Variants in SGPP2 observed in about 807,000 individuals in gnomAD.
SGPP2 encodes the protein sphingosine 1-phosphate phosphohydrolase 2.
Under a neutral mutation model 33.9 loss-of-function variants are expected in SGPP2, and 30 were observed. That is an observed-to-expected ratio of 0.89 (90% CI 0.66 to 1.20). The LOEUF (loss-of-function observed/expected upper bound fraction) is 1.20, where lower values mean the gene tolerates loss of function less well. Among genes scored for constraint, SGPP2 ranks in the 50% most tolerant of loss-of-function variants. The pLI is 0.00. For missense variants in SGPP2, 458 were observed against 532.1 expected, an observed-to-expected ratio of 0.86 and a Z score of 1.37; for synonymous variants, 233 against 225.0, an observed-to-expected ratio of 1.04 and a Z score of -0.32.
At chr2:222,547,552 G>T (rs1574890546) in intron 4 of SGPP2, among the ~76,000 whole-genome samples, 1 of 151,934 alleles carries the variant, frequency 6.6e-6, no homozygotes, top group East Asian at 1.9e-4. Context: ...GAAATATATG[G>T]TATACTCAAA....
At chr2:222,517,637 A>G (rs1574873156) in intron 2 of SGPP2, among the ~76,000 whole-genome samples, 1 of 152,358 alleles carries the variant, frequency 6.6e-6, no homozygotes, top group Non-Finnish European at 1.5e-5. Context: ...GTGATGGCAG[A>G]GCTAAAAGAG....
chr2:222,474,351 G>C (rs990324113), intron 1 of SGPP2, among the ~76,000 whole-genome samples: 1 of 152,096 alleles, frequency 6.6e-6, no homozygotes, highest in Non-Finnish European at 1.5e-5. Flanking sequence ...TTCTGTCTTG[G>C]ATATTGCTTA....
chr2:222,502,041 A>G (rs2106118662), intron 2 of SGPP2, among the ~76,000 whole-genome samples: 1 of 152,292 alleles, frequency 6.6e-6, no homozygotes, highest in Non-Finnish European at 1.5e-5. Context: ...TCCTTATGCC[A>G]CCCTCACAAA....
At chr2:222,427,613 G>C (rs893255591) in intron 1 of SGPP2, among the ~76,000 whole-genome samples, 1 of 152,108 alleles carries the variant, frequency 6.6e-6, no homozygotes, top group Non-Finnish European at 1.5e-5. Flanking sequence ...ATGAGTGAAT[G>C]TTGAAAATCA....
At chr2:222,508,029 T>G (rs982191408) in intron 2 of SGPP2, among the ~76,000 whole-genome samples, 31 of 152,172 alleles carry the variant, frequency 2.0e-4, no homozygotes, top group Non-Finnish European at 4.0e-4. Context: ...GTTCCCTCAG[T>G]GGGAGTCATT....
At chr2:222,427,830 A>G (rs566291477) in intron 1 of SGPP2, among the ~76,000 whole-genome samples, 7 of 152,266 alleles carry the variant, frequency 4.6e-5, no homozygotes, top group Admixed American at 2.0e-4. Context: ...AGTTTCCTCT[A>G]CAAGTTCTCA....
intron 1 of SGPP2, among the ~76,000 whole-genome samples, chr2:222,426,907 G>A (rs1387143357): frequency 1.3e-5 from 2 of 152,194 alleles, no homozygotes. Context: ...CCTTTGTACA[G>A]GCGTTGGCCT....
In SGPP2 at chr2:222,444,221, G is replaced by A. The variant is rs535284703; in HGVS notation, c.219+19400G>A. ...TACTTTCTTATGCCACTTCATAAGG[G>A]TAGACTCTAGTTTGAGCTAATCATG... On this transcript the variant is annotated intron_variant, in intron 1 of 4. Coordinates refer to ENST00000321276, the MANE Select transcript of SGPP2 (RefSeq NM_152386.4). 2.6e-5 allele frequency among the ~76,000 whole-genome samples: 4 copies of A among 152,300 alleles called. No homozygotes were observed. In the East Asian group the frequency reaches 7.7e-4, roughly 29 times the overall value.
chr2:222,538,652 A>C (rs753711317), intron 4 of SGPP2, among the ~76,000 whole-genome samples: 1 of 152,208 alleles, frequency 6.6e-6, no homozygotes, highest in Non-Finnish European at 1.5e-5. Context: ...ACAGTTCTGC[A>C]GGAAGCATAG....
At chr2:222,433,691 A>AT (rs11413888) in intron 1 of SGPP2, among the ~76,000 whole-genome samples, 116,470 of 151,922 alleles carry the variant, frequency 0.77, 44,796 homozygotes, top group Middle Eastern at 0.89. Context: ...TAGCTTGATG[A>AT]TTTTTTTCCC....
At chr2:222,471,323 C>T (rs969635966) in intron 1 of SGPP2, among the ~76,000 whole-genome samples, 1 of 152,024 alleles carries the variant, frequency 6.6e-6, no homozygotes, top group African/African-American at 2.4e-5. Context: ...GCTGCTGGAA[C>T]AAAACTGGGA....
intron 3 of SGPP2, 115 bp downstream of exon 3, chr2:222,522,061 A>C: frequency 1.1e-6 from 1 of 946,102 alleles, no homozygotes; most frequent in Non-Finnish European, 1.5e-6. Flanking sequence ...TGAAATAAAG[A>C]TTAAGAGAAA....
At chr2:222,470,683 C>T (rs1030963181) in intron 1 of SGPP2, among the ~76,000 whole-genome samples, 2 of 152,160 alleles carry the variant, frequency 1.3e-5, no homozygotes, top group African/African-American at 2.4e-5. Context: ...TGTCATATAA[C>T]ACTTGGGTAT....
chr2:222,425,600 C>G (rs1697055178), intron 1 of SGPP2, among the ~76,000 whole-genome samples: 2 of 152,216 alleles, frequency 1.3e-5, no homozygotes, highest in Non-Finnish European at 2.9e-5. Flanking sequence ...GCAGCAGGGA[C>G]CAGACGGGCT....
rs1689272328 is a variant in SGPP2, at chr2:222,550,345, TC to T, written c.649-8000del. On this transcript the variant is annotated intron_variant, in intron 4 of 4. Transcript: ENST00000321276. This position sits in a 1 kb window ranked among gnomAD's most constrained non-coding sequence, Gnocchi z 4.5. ...TTTGATTTTCACATTCTGATTTTTT[TC>T]CTCCTTGATTTCATTTTATTATAAT... Among the ~76,000 whole-genome samples, 1 of 152,230 alleles carries T rather than the reference TC, an allele frequency of 6.6e-6. No homozygotes were observed. Among genetic ancestry groups the T allele is most frequent in the African/African-American group, 2.4e-5 (1 of 41,454 alleles).
chr2:222,478,673 C>T (rs911719445), intron 2 of SGPP2, among the ~76,000 whole-genome samples: 23 of 152,146 alleles, frequency 1.5e-4, no homozygotes, highest in African/African-American at 5.3e-4. Context: ...AAGCTTGGCA[C>T]ATTTTATATT....
At chr2:222,520,525 G>C (rs1172114198) in intron 2 of SGPP2, among the ~76,000 whole-genome samples, 2 of 152,254 alleles carry the variant, frequency 1.3e-5, no homozygotes, top group East Asian at 3.9e-4. Context: ...GAGGTCAGGA[G>C]TTCAAGACCA....
At chr2:222,501,074 A>C (rs1698359535) in intron 2 of SGPP2, among the ~76,000 whole-genome samples, 1 of 152,320 alleles carries the variant, frequency 6.6e-6, no homozygotes, top group African/African-American at 2.4e-5. Context: ...AGAGAACCAA[A>C]TTCAGACAAA....
At chr2:222,555,022 C>T (rs994008611) in intron 4 of SGPP2, among the ~76,000 whole-genome samples, 6 of 152,096 alleles carry the variant, frequency 3.9e-5, no homozygotes, top group African/African-American at 1.4e-4. Context: ...TCCCCCCCAC[C>T]CTGAAACCCC....
Sources: gnomAD v4.1 joint callset for allele counts (sites outside exome capture counted in the v4.1 genomes callset) on GRCh38, gnomAD v4.1.1 for gene constraint, Gnocchi (gnomAD v3.1) non-coding constraint, MANE v1.5 for transcripts, NCBI Gene and HGNC (gene_info 2026-07-23, HGNC 2026-07-21) for gene names.